Variants in CSTPP1 observed in about 807,000 individuals in gnomAD.
CSTPP1 encodes the protein UPF0705 protein C11orf49.
At chr11:47,020,044 G>A in the CSTPP1 span, among the ~76,000 whole-genome samples, 2 of 152,240 alleles carry the variant, frequency 1.3e-5, no homozygotes, top group Admixed American at 6.5e-5. Flanking sequence ...AAGTTGTTCA[G>A]CTGTTTCTCA....
At chr11:46,988,621 A>G in the CSTPP1 span, among the ~76,000 whole-genome samples, 1 of 146,668 alleles carries the variant, frequency 6.8e-6, no homozygotes, top group African/African-American at 2.5e-5. Flanking sequence ...TACAAAAAAG[A>G]AAAAAAAGAA....
At chr11:47,018,044 G>T in the CSTPP1 span, among the ~76,000 whole-genome samples, 2 of 152,098 alleles carry the variant, frequency 1.3e-5, no homozygotes, top group African/African-American at 2.4e-5. Flanking sequence ...ATTCCTCCAG[G>T]TTGTGGCATG....
chr11:47,031,287 G>A, the CSTPP1 span, among the ~76,000 whole-genome samples: 5 of 152,152 alleles, frequency 3.3e-5, no homozygotes, highest in African/African-American at 9.7e-5. Flanking sequence ...AAGAGAACAT[G>A]AAATTGTATC....
the CSTPP1 span, among the ~76,000 whole-genome samples, chr11:47,016,398 AAAAAAC>A: frequency 1.4e-4 from 19 of 139,656 alleles, no homozygotes; most frequent in Admixed American, 1.0e-3. Flanking sequence ...TACAAAAAAC[AAAAAAC>A]AAAAAACAAA....
the CSTPP1 span, among the ~76,000 whole-genome samples, chr11:47,103,415 T>A: frequency 1.5e-4 from 21 of 139,880 alleles, no homozygotes; most frequent in African/African-American, 2.8e-4. Flanking sequence ...AAAAAAAAAA[T>A]GTACAGAATC....
At chr11:47,120,461 A>G in the CSTPP1 span, among the ~76,000 whole-genome samples, 1 of 152,244 alleles carries the variant, frequency 6.6e-6, no homozygotes, top group Admixed American at 6.5e-5. The surrounding 1 kb of genome is among the most constrained non-coding windows in gnomAD (Gnocchi z 4.2). Context: ...TACTTACTTC[A>G]GAGCAAAAGG....
the CSTPP1 span, among the ~76,000 whole-genome samples, chr11:47,101,497 T>A: frequency 6.6e-6 from 1 of 152,014 alleles, no homozygotes; most frequent in Non-Finnish European, 1.5e-5. Context: ...ACTTGAAGAC[T>A]GTTTGTGGGA....
At chr11:47,060,856 A>G in the CSTPP1 span, among the ~76,000 whole-genome samples, 1 of 152,214 alleles carries the variant, frequency 6.6e-6, no homozygotes, top group South Asian at 2.1e-4. Context: ...GTATTTTCAC[A>G]TGTAACACAG....
the CSTPP1 span, among the ~76,000 whole-genome samples, chr11:46,937,052 G>A: frequency 7.2e-5 from 11 of 152,182 alleles, no homozygotes; most frequent in Admixed American, 5.2e-4. Context: ...AATGTTTGAA[G>A]TGTAGGGGCT....
At chr11:46,959,095 A>G in the CSTPP1 span, among the ~76,000 whole-genome samples, 4 of 152,190 alleles carry the variant, frequency 2.6e-5, no homozygotes, top group South Asian at 8.3e-4. Flanking sequence ...GATGATTTAA[A>G]TTTCTACTCC....
chr11:46,960,861 GA>G, the CSTPP1 span, among the ~76,000 whole-genome samples: 20,530 of 143,750 alleles, frequency 0.14, 4,674 homozygotes, highest in African/African-American at 0.48. Flanking sequence ...TCAAAAAAAA[GA>G]AAAAAAAAAA....
At chr11:46,998,727 T>C in the CSTPP1 span, among the ~76,000 whole-genome samples, 1 of 152,076 alleles carries the variant, frequency 6.6e-6, no homozygotes, top group African/African-American at 2.4e-5. Flanking sequence ...GGCTTCAGTT[T>C]TTTTGTTTTG....
At chr11:47,092,410 T>TC in the CSTPP1 span, among the ~76,000 whole-genome samples, 35 of 152,136 alleles carry the variant, frequency 2.3e-4, no homozygotes, top group African/African-American at 8.4e-4. Context: ...GCAGTAGGTT[T>TC]CCCCCATTCC....
At chr11:46,951,105 C>T in the CSTPP1 span, among the ~76,000 whole-genome samples, 1 of 152,022 alleles carries the variant, frequency 6.6e-6, no homozygotes, top group East Asian at 1.9e-4. Flanking sequence ...GGTCACTGAG[C>T]TAGTATGTCT....
At chr11:47,163,915 G>A in the CSTPP1 span, among the ~76,000 whole-genome samples, 9 of 152,224 alleles carry the variant, frequency 5.9e-5, no homozygotes, top group East Asian at 1.7e-3. Flanking sequence ...CAAAGTGCTG[G>A]GATGACAGCC....
At chr11:47,043,213 A>C in the CSTPP1 span, among the ~76,000 whole-genome samples, 2 of 152,122 alleles carry the variant, frequency 1.3e-5, no homozygotes, top group East Asian at 3.8e-4. Flanking sequence ...GACTCAAAAA[A>C]AGTTATGACT....
chr11:47,158,425 G>A, the CSTPP1 span, among the ~76,000 whole-genome samples: 1 of 151,848 alleles, frequency 6.6e-6, no homozygotes, highest in African/African-American at 2.4e-5. Context: ...CCTGCCTGCT[G>A]TTTTTTTTCA....
chr11:47,161,539 T>C, the CSTPP1 span: 2 of 1,613,908 alleles, frequency 1.2e-6, no homozygotes, highest in Non-Finnish European at 1.7e-6. Flanking sequence ...CCCGGACCCC[T>C]CCCCGGGTTG....
At chr11:47,113,360 A>ATGGGATGGC in the CSTPP1 span, among the ~76,000 whole-genome samples, 2 of 152,176 alleles carry the variant, frequency 1.3e-5, no homozygotes, top group Non-Finnish European at 2.9e-5. Flanking sequence ...ATACCTAGTA[A>ATGGGATGGC]TGGGATGGCT....
Sources: gnomAD v4.1 joint callset for allele counts (sites outside exome capture counted in the v4.1 genomes callset) on GRCh38, gnomAD v4.1.1 for gene constraint, Gnocchi (gnomAD v3.1) non-coding constraint, MANE v1.5 for transcripts, NCBI Gene and HGNC (gene_info 2026-07-23, HGNC 2026-07-21) for gene names.